The following RBM17 variants were observed in gnomAD, a reference collection of about 807,000 sequenced individuals.
The protein encoded by RBM17 is RNA binding motif protein 17, also known as splicing factor 45.
Under a neutral mutation model 53.2 loss-of-function variants are expected in RBM17, and 7 were observed. The ratio of observed to expected loss-of-function variants is 0.13; its 90% CI spans 0.07 to 0.25. The LOEUF (loss-of-function observed/expected upper bound fraction) is 0.25. Among genes scored for constraint, RBM17 ranks in the 10% least tolerant of loss-of-function variants. The probability of loss-of-function intolerance (pLI) is 1.00; values close to 1 mark genes in which losing one functional copy is unlikely to be tolerated. For synonymous variants in RBM17, 167 were observed against 178.1 expected (o/e 0.94, Z 0.50); for missense variants, 257 against 496.7 (o/e 0.52, Z 4.59).
chr10:6,114,939 C>T (rs1840892995), intron 10 of RBM17: 3 of 326,366 alleles, frequency 9.2e-6, no homozygotes, highest in East Asian at 1.1e-4. Flanking sequence ...TTTCTTTATC[C>T]TGTTGCTGTT....
rs772529966 is a variant in RBM17 at position 6,114,165 on chromosome 10, T to G, written c.1029+18T>G. 6 of 1,439,870 alleles carry G rather than the reference T, an allele frequency of 4.2e-6. No homozygotes were observed. The highest frequency in any genetic ancestry group is 5.9e-6 in the Non-Finnish European group (6 of 1,024,636). The allele number at this position is 1,439,870 out of a possible 1,614,324, so 89.2% of individuals were successfully genotyped here. Reference sequence around the variant, plus strand: ...TATTTGAAGTAAGAGTGTTTTCTTTTGATGTTTATAACACAAGTTGTAATT... The same window carrying G: ...TATTTGAAGTAAGAGTGTTTTCTTTGGATGTTTATAACACAAGTTGTAATT... On this transcript the variant is annotated intron_variant, in intron 10 of 11. Coordinates refer to ENST00000379888, the MANE Select transcript of RBM17 (RefSeq NM_032905.5).
At chr10:6,111,430 C>A (rs958764408) in intron 7 of RBM17, among the ~76,000 whole-genome samples, 1 of 152,228 alleles carries the variant, frequency 6.6e-6, no homozygotes, top group Non-Finnish European at 1.5e-5. Flanking sequence ...ACCTCTGCCT[C>A]CCAGGTTCAA....
Position 6,112,102 on chromosome 10 carries a change from G to T in RBM17, c.705-108G>T. On this transcript the variant is annotated intron_variant, in intron 7 of 11. Coordinates refer to ENST00000379888, the MANE Select transcript of RBM17 (RefSeq NM_032905.5). The surrounding 1 kb of genome is among the most constrained non-coding windows in gnomAD (Gnocchi z 4.4). ...AATGAGTGACTTTGTTGAAGCCCCTGTGGAGCATGCACTCTCTCCAGAAGG... is the reference window on the plus strand; with the variant it reads ...AATGAGTGACTTTGTTGAAGCCCCTTTGGAGCATGCACTCTCTCCAGAAGG... 8.8e-7 allele frequency: 1 copy of T among 1,132,020 alleles called. No homozygotes were observed. Among genetic ancestry groups the T allele is most frequent in the East Asian group, 2.4e-5 (1 of 41,944 alleles). 70.1% of individuals were successfully genotyped at this position (1,132,020 alleles called of 1,614,324 possible). A position where few individuals can be genotyped will look rare whatever the true frequency, so the allele number is the denominator to read the frequency against.
At chr10:6,106,295 C>G in intron 5 of RBM17, 57 bp downstream of exon 5, 1 of 1,135,102 alleles carries the variant, frequency 8.8e-7, no homozygotes, top group Non-Finnish European at 1.3e-6. Context: ...TGCAATTCCA[C>G]TATGTGCTTT....
intron 2 of RBM17, 96 bp from the exon 3 acceptor site, chr10:6,101,175 G>C (rs1252534722): frequency 1.6e-6 from 1 of 618,236 alleles, no homozygotes; most frequent in Non-Finnish European, 2.7e-6. Context: ...TATCTCAAAG[G>C]TTTGTTGCAG....
Position 6,089,782 on chromosome 10 carries a change from G to A in RBM17, c.-19+589G>A, listed in dbSNP as rs1213681509. Reference sequence around the variant, plus strand: ...CGACCCCAGGCAGTCTTTGAGCTTCGCCTCTTGCCCCGAGAATGTGTAATG... The same window carrying A: ...CGACCCCAGGCAGTCTTTGAGCTTCACCTCTTGCCCCGAGAATGTGTAATG... On this transcript the variant is annotated intron_variant, in intron 1 of 11. Coordinates refer to ENST00000379888, the MANE Select transcript of RBM17 (RefSeq NM_032905.5). The surrounding 1 kb of genome is among the most constrained non-coding windows in gnomAD (Gnocchi z 5.6). 4 of 152,492 alleles carry A rather than the reference G, an allele frequency of 2.6e-5. No homozygotes were observed. The highest frequency in any genetic ancestry group is 9.6e-5 in the African/African-American group (4 of 41,566). 9.4% of individuals were successfully genotyped at this position (152,492 alleles called of 1,614,324 possible).
intron 3 of RBM17, among the ~76,000 whole-genome samples, chr10:6,102,370 T>G (rs1840681015): frequency 6.6e-6 from 1 of 152,196 alleles, no homozygotes; most frequent in South Asian, 2.1e-4. Context: ...CCTGTCCTGC[T>G]TATGTTCTGG....
intron 2 of RBM17, among the ~76,000 whole-genome samples, chr10:6,100,316 C>T (rs1268502873): frequency 2.6e-5 from 4 of 152,180 alleles, no homozygotes; most frequent in South Asian, 2.1e-4. Context: ...TATGATCAAC[C>T]TTAGCATTGC....
chr10:6,102,561 A>C (rs1018136929), intron 3 of RBM17, among the ~76,000 whole-genome samples: 18 of 152,134 alleles, frequency 1.2e-4, no homozygotes, highest in African/African-American at 4.3e-4. Flanking sequence ...TTCCTGCTAC[A>C]TCTAATTTAA....
intron 1 of RBM17, among the ~76,000 whole-genome samples, chr10:6,095,241 CTT>C (rs1262361178): frequency 1.3e-5 from 2 of 151,690 alleles, no homozygotes; most frequent in Non-Finnish European, 2.9e-5. Flanking sequence ...TTGGCGGAGT[CTT>C]TATCTGTCAC....
intron 3 of RBM17, among the ~76,000 whole-genome samples, chr10:6,103,787 G>C (rs114455032): frequency 1.5e-3 from 228 of 152,252 alleles, no homozygotes; most frequent in African/African-American, 5.3e-3. Context: ...GGAACTGTTC[G>C]ATTTAGGTCT....
chr10:6,092,061 C>G, intron 1 of RBM17, among the ~76,000 whole-genome samples: 1 of 152,020 alleles, frequency 6.6e-6, no homozygotes, highest in East Asian at 1.9e-4. Flanking sequence ...GTTATGTTTC[C>G]TAAGAAAAAA....
chr10:6,092,455 A>G (rs1411714093), intron 1 of RBM17, among the ~76,000 whole-genome samples: 1 of 152,224 alleles, frequency 6.6e-6, no homozygotes. Context: ...TAAAACTGTA[A>G]ATAAAATTAA....
chr10:6,109,058 AC>A (rs147153621), intron 6 of RBM17, among the ~76,000 whole-genome samples: 10,986 of 152,258 alleles, frequency 0.072, 550 homozygotes, highest in Non-Finnish European at 0.11. Flanking sequence ...GCAGATCGTT[AC>A]AGTTTTTTAA....
intron 10 of RBM17, 30 bp downstream of exon 10, chr10:6,114,177 C>A: frequency 7.4e-7 from 1 of 1,343,806 alleles, no homozygotes; most frequent in Non-Finnish European, 1.1e-6. Flanking sequence ...ATGTTTATAA[C>A]ACAAGTTGTA....
chr10:6,102,696 TCATTAAGCGAATGCATCATAATTTA>T (rs1207476383), intron 3 of RBM17, among the ~76,000 whole-genome samples: 5 of 152,260 alleles, frequency 3.3e-5, no homozygotes. Context: ...TTTTTAATTC[TCATTAAGCGAATGCATCATAATTTA>T]CACAAGTATT....
At chr10:6,103,542 A>G (rs1840700816) in intron 3 of RBM17, among the ~76,000 whole-genome samples, 2 of 152,204 alleles carry the variant, frequency 1.3e-5, no homozygotes, top group South Asian at 4.1e-4. Flanking sequence ...AGAAATCTTC[A>G]TGTGCTTTTG....
intron 10 of RBM17, 69 bp from the exon 11 acceptor site, chr10:6,115,169 AT>A: frequency 8.2e-7 from 1 of 1,216,844 alleles, no homozygotes. Flanking sequence ...CTGAGAAATC[AT>A]TTAAAAGAGA....
chr10:6,096,828 A>G, intron 1 of RBM17: 1 of 296,778 alleles, frequency 3.4e-6, no homozygotes, highest in Non-Finnish European at 6.3e-6. Context: ...GCATGATCTT[A>G]TAGATGGAAA....
Sources: allele counts gnomAD v4.1 joint callset (sites outside exome capture counted in the v4.1 genomes callset), GRCh38; gene constraint gnomAD v4.1.1; non-coding constraint Gnocchi (gnomAD v3.1); transcripts MANE v1.5; gene names NCBI Gene and HGNC (gene_info 2026-07-23, HGNC 2026-07-21).